The following TRAP1 variants were observed in gnomAD, a reference collection of about 807,000 sequenced individuals.
TRAP1 encodes the protein TNF receptor associated protein 1, also known as heat shock protein 75 kDa, mitochondrial.
In TRAP1, 102 loss-of-function variants were observed where a neutral mutation model predicts 89.1. The ratio of observed to expected loss-of-function variants is 1.15; its 90% CI spans 0.98 to 1.35. The LOEUF is 1.35. Among genes scored for constraint, TRAP1 ranks in the 40% most tolerant of loss-of-function variants. The pLI, the probability that TRAP1 is intolerant of heterozygous loss-of-function variation, is 0.00. For synonymous variants in TRAP1, 508 were observed against 388.0 expected, an observed-to-expected ratio of 1.31 and a Z score of -3.64; for missense variants, 1,256 against 945.3, an observed-to-expected ratio of 1.33 and a Z score of -4.31.
chr16:3,663,707 G>T, intron 13 of TRAP1, 145 bp from the exon 14 acceptor site: 1 of 964,754 alleles, frequency 1.0e-6, no homozygotes, highest in Non-Finnish European at 1.5e-6. Flanking sequence ...AGGCCTGCAT[G>T]ACAGTTACTA....
At chr16:3,701,762 C>T (rs117914665) in intron 1 of TRAP1, among the ~76,000 whole-genome samples, 2,330 of 152,232 alleles carry the variant, frequency 0.015, 24 homozygotes, top group Admixed American at 0.024. Context: ...TACAGTCATA[C>T]AAGTAAGTAG....
At chr16:3,703,324 C>G (rs369811138) in intron 1 of TRAP1, among the ~76,000 whole-genome samples, 1 of 151,514 alleles carries the variant, frequency 6.6e-6, no homozygotes, top group South Asian at 2.1e-4. Context: ...TACTCACAAG[C>G]GGAGGACTAA....
chr16:3,685,887 TGGTACGGAC>T, intron 4 of TRAP1, 100 bp downstream of exon 4: 2 of 1,322,540 alleles, frequency 1.5e-6, no homozygotes, highest in Non-Finnish European at 2.1e-6. Context: ...GTTATCCTGG[TGGTACGGAC>T]GGCCAGTACG....
rs141801325 is a variant in TRAP1 at position 3,681,251 on chromosome 16, G to C, written c.472-1461C>G. 3.8e-3 allele frequency among the ~76,000 whole-genome samples: 579 copies of C among 152,260 alleles called. 3 individuals carry two copies. The highest frequency in any genetic ancestry group is 0.013 in the African/African-American group (552 of 41,550). On this transcript the variant is annotated intron_variant, in intron 4 of 17. Transcript: ENST00000246957. ...TCCTTCTAGGAAGTTCCTTTCTAAA[G>C]ACTTCCTCTCCAGGACAGCCTGCAG...
At chr16:3,711,845 A>G (rs1338253799) in intron 1 of TRAP1, among the ~76,000 whole-genome samples, 15 of 152,216 alleles carry the variant, frequency 9.9e-5, no homozygotes, top group Admixed American at 8.5e-4. Context: ...GCAGGTCTTC[A>G]GTAGGACTAA....
At chr16:3,663,683 C>A in intron 13 of TRAP1, 121 bp from the exon 14 acceptor site, 1 of 1,295,602 alleles carries the variant, frequency 7.7e-7, no homozygotes, top group Non-Finnish European at 1.1e-6. Context: ...AACACCGGGG[C>A]AGTTGGGGTT....
intron 1 of TRAP1, 66 bp downstream of exon 1, chr16:3,717,355 C>G (rs745469893): frequency 2.0e-5 from 13 of 640,060 alleles, no homozygotes; most frequent in Non-Finnish European, 2.9e-5. Flanking sequence ...CCCCGGAGCA[C>G]AGGGACGTCC....
intron 10 of TRAP1, 55 bp downstream of exon 10, chr16:3,672,645 G>C: frequency 6.4e-7 from 1 of 1,557,580 alleles, no homozygotes; most frequent in South Asian, 1.2e-5. Context: ...CCTCACAGAT[G>C]CAGCGGGCGA....
intron 12 of TRAP1, 126 bp from the exon 13 acceptor site, chr16:3,664,585 G>A: frequency 2.0e-6 from 2 of 980,564 alleles, no homozygotes; most frequent in Non-Finnish European, 2.9e-6. Flanking sequence ...TGACCCGAGG[G>A]ACGGTAGTGG....
intron 1 of TRAP1, among the ~76,000 whole-genome samples, chr16:3,701,714 G>C (rs1193348383): frequency 6.6e-6 from 1 of 152,114 alleles, no homozygotes; most frequent in Non-Finnish European, 1.5e-5. Flanking sequence ...ACACAGAGAA[G>C]GGTGCGTCCC....
At position 3,717,447 on chromosome 16, in the gene TRAP1, GC is replaced by G. The variant is rs1198237198; in HGVS notation, c.61del (p.Ala21ArgfsTer96). 5.5e-6 allele frequency: 7 copies of G among 1,276,602 alleles called. No individual in the cohort carries two copies. The highest frequency in any genetic ancestry group is 6.9e-6 in the Non-Finnish European group (7 of 1,018,558). The allele number at this position is 1,276,602 out of a possible 1,614,324, so 79.1% of individuals were successfully genotyped here. A position where few individuals can be genotyped will look rare whatever the true frequency, so the allele number is the denominator to read the frequency against. ...TCCCGGCACGGCCGCCAGCGCCGGC[GC>G]CCGCAGCAAAGGCCGCAGGCGGCGG... ...WGRRLRPLLR[A>X]PALAAVPGGK... On this transcript the variant is annotated frameshift_variant, in exon 1 of 18. Coordinates refer to ENST00000246957, the MANE Select transcript of TRAP1 (RefSeq NM_016292.3). LOFTEE classifies it high-confidence loss of function.
chr16:3,700,344 T>C (rs1358405858), intron 1 of TRAP1, among the ~76,000 whole-genome samples: 5 of 152,014 alleles, frequency 3.3e-5, no homozygotes, highest in Non-Finnish European at 7.4e-5. Context: ...ATTTTGCATT[T>C]TTTGTAGAGA....
At chr16:3,663,694 C>T in intron 13 of TRAP1, 132 bp from the exon 14 acceptor site, 1 of 1,147,200 alleles carries the variant, frequency 8.7e-7, no homozygotes, top group Non-Finnish European at 1.2e-6. Flanking sequence ...AGTTGGGGTT[C>T]CTAGGCCTGC....
chr16:3,664,261 A>T lies in TRAP1; in HGVS notation c.1569+13T>A. The T allele has an allele frequency of 6.5e-7, 1 of 1,543,522 alleles. No homozygotes were observed. Among genetic ancestry groups the T allele is most frequent in the East Asian group, 2.4e-5 (1 of 42,470 alleles). ...GCAGCCCCCGGAGCCCGCCCCACCC[A>T]CCGCTCACCCACCTCTGTGTCTTTC... On this transcript the variant is annotated intron_variant, in intron 13 of 17. Transcript: ENST00000246957.
intron 1 of TRAP1, among the ~76,000 whole-genome samples, chr16:3,706,036 G>C (rs1288389334): frequency 3.3e-5 from 5 of 149,768 alleles, no homozygotes; most frequent in Non-Finnish European, 1.5e-5. Context: ...TCACTCTGCA[G>C]TGGTGTAATC....
intron 11 of TRAP1, among the ~76,000 whole-genome samples, chr16:3,666,712 T>C (rs770736397): frequency 2.0e-5 from 3 of 152,138 alleles, no homozygotes; most frequent in African/African-American, 7.2e-5. Flanking sequence ...ACATAACAAT[T>C]TTCCATCATT....
chr16:3,717,052 G>A (rs1303816915), intron 1 of TRAP1, among the ~76,000 whole-genome samples: 1 of 152,178 alleles, frequency 6.6e-6, no homozygotes, highest in African/African-American at 2.4e-5. Flanking sequence ...TCCATTCCCC[G>A]CAACATGCAC....
intron 1 of TRAP1, among the ~76,000 whole-genome samples, chr16:3,711,617 A>G (rs542899039): frequency 9.9e-5 from 15 of 152,118 alleles, no homozygotes; most frequent in African/African-American, 3.1e-4. Context: ...CAAAAAAAAA[A>G]CAAAAACCAA....
intron 1 of TRAP1, among the ~76,000 whole-genome samples, chr16:3,702,907 T>C (rs1301065824): frequency 6.6e-6 from 1 of 151,318 alleles, no homozygotes; most frequent in Non-Finnish European, 1.5e-5. Context: ...CCAGGTGTTG[T>C]CGTGGATGCC....
Sources: allele counts gnomAD v4.1 joint callset (sites outside exome capture counted in the v4.1 genomes callset), GRCh38; gene constraint gnomAD v4.1.1; transcripts MANE v1.5; gene names NCBI Gene and HGNC (gene_info 2026-07-23, HGNC 2026-07-21).